TIAM2: variants seen among roughly 807,000 people sequenced by gnomAD.
The protein encoded by TIAM2 is rho guanine nucleotide exchange factor TIAM2.
In TIAM2, 80 loss-of-function variants were observed where a neutral mutation model predicts 152.9. That is an observed-to-expected ratio of 0.52 (90% CI 0.44 to 0.63). The LOEUF (loss-of-function observed/expected upper bound fraction) is 0.63, where lower values mean the gene tolerates loss of function less well. Ranked by LOEUF, TIAM2 falls within the 30% of genes least tolerant of loss-of-function variation. The pLI is 0.00. For missense variants in TIAM2, 1,965 were observed against 2,120.1 expected (o/e 0.93, Z 1.44); for synonymous variants, 804 against 838.0 (o/e 0.96, Z 0.70).
chr6:155,190,474 C>T (rs1781170131), intron 14 of TIAM2, among the ~76,000 whole-genome samples: 1 of 152,162 alleles, frequency 6.6e-6, no homozygotes, highest in South Asian at 2.1e-4. Flanking sequence ...ATCCTGCTGG[C>T]CTGTGACAGG....
At chr6:155,062,739 C>T (rs1231014896) in intron 1 of TIAM2, among the ~76,000 whole-genome samples, 1 of 151,834 alleles carries the variant, frequency 6.6e-6, no homozygotes, top group African/African-American at 2.4e-5. Flanking sequence ...CCATGCCCAG[C>T]TAATTTTGTG....
At chr6:155,111,354 G>C (rs1323852816) in intron 2 of TIAM2, among the ~76,000 whole-genome samples, 1 of 150,594 alleles carries the variant, frequency 6.6e-6, no homozygotes, top group Non-Finnish European at 1.5e-5. Context: ...GTTGAAAATT[G>C]ATAGGATGAT....
rs1225525058 is a variant in TIAM2 at position 155,214,743 on chromosome 6, A to G, written c.3168+3436A>G. ...ATGTTCATTAGCTTTTTAATGAAGC[A>G]GTGGATCCTAGAGCATCAAATAGAT... is the stretch of plus-strand genomic sequence containing the variant. On this transcript the variant is annotated intron_variant, in intron 15 of 26. Transcript: ENST00000682666. This position sits in a 1 kb window ranked among gnomAD's most constrained non-coding sequence, Gnocchi z 5.4. 6.6e-6 allele frequency among the ~76,000 whole-genome samples: 1 copy of G among 152,246 alleles called. No individual in the cohort carries two copies. The highest frequency in any genetic ancestry group is 6.5e-5 in the Admixed American group (1 of 15,288).
chr6:155,206,927 T>C (rs1781610137), intron 14 of TIAM2, among the ~76,000 whole-genome samples: 1 of 152,140 alleles, frequency 6.6e-6, no homozygotes, highest in African/African-American at 2.4e-5. Context: ...CTGGAGTGAG[T>C]CTGAACATCT....
chr6:155,185,883 T>C (rs1781031227), intron 14 of TIAM2, among the ~76,000 whole-genome samples: 2 of 152,272 alleles, frequency 1.3e-5, no homozygotes, highest in East Asian at 1.9e-4. Flanking sequence ...GGCTGTTCCA[T>C]AGTGATGTCG....
intron 14 of TIAM2, among the ~76,000 whole-genome samples, chr6:155,184,762 G>A (rs1162548163): frequency 1.3e-5 from 2 of 152,044 alleles, no homozygotes; most frequent in African/African-American, 4.8e-5. Flanking sequence ...GATTCAATAA[G>A]GTATCTCGTG....
intron 4 of TIAM2, 33 bp downstream of exon 4, chr6:155,130,450 C>T (rs1028949069): frequency 1.2e-5 from 19 of 1,573,410 alleles, no homozygotes; most frequent in Non-Finnish European, 1.6e-5. Context: ...GGAAGGGTCC[C>T]CACAGTTTCC....
chr6:155,073,976 G>C (rs1050528061), intron 1 of TIAM2, among the ~76,000 whole-genome samples: 1 of 152,122 alleles, frequency 6.6e-6, no homozygotes, highest in Non-Finnish European at 1.5e-5. Context: ...GAGACGTAAG[G>C]GTGCCTGCCC....
chr6:155,221,043 C>T (rs1333030386), intron 15 of TIAM2, among the ~76,000 whole-genome samples: 1 of 151,290 alleles, frequency 6.6e-6, no homozygotes, highest in African/African-American at 2.4e-5. Context: ...TTCTGTGCCA[C>T]AGTACTTTCC....
At chr6:155,190,224 C>T (rs1329537919) in intron 14 of TIAM2, among the ~76,000 whole-genome samples, 1 of 152,184 alleles carries the variant, frequency 6.6e-6, no homozygotes, top group African/African-American at 2.4e-5. Flanking sequence ...CTTGCCCCTG[C>T]CTGTCACCTC....
intron 1 of TIAM2, among the ~76,000 whole-genome samples, chr6:155,040,121 A>G (rs1013053787): frequency 3.3e-5 from 5 of 152,212 alleles, no homozygotes; most frequent in Non-Finnish European, 7.3e-5. Context: ...TGAAATTTCC[A>G]TGTTAATTAG....
rs60356205 is a variant in TIAM2, at chr6:155,173,169, TTGTGTGTG to T, written c.2362-3621_2362-3614del. Reference sequence around the variant, plus strand: ...CTTGAACTGTATACATTTGTGAGGGTTGTGTGTGTGTGTGTGTGTGTGTGTGTGTGTGT... The same window carrying T: ...CTTGAACTGTATACATTTGTGAGGGTTGTGTGTGTGTGTGTGTGTGTGTGT... On this transcript the variant is annotated intron_variant, in intron 9 of 26. Coordinates refer to ENST00000682666, the MANE Select transcript of TIAM2 (RefSeq NM_012454.4). Among the ~76,000 whole-genome samples, 309 of 146,854 alleles carry T rather than the reference TTGTGTGTG, an allele frequency of 2.1e-3. 1 individual carries two copies. Among genetic ancestry groups the T allele is most frequent in the African/African-American group, 6.9e-3 (276 of 40,058 alleles).
At chr6:155,081,709 T>C (rs891853684) in intron 1 of TIAM2, among the ~76,000 whole-genome samples, 2 of 152,232 alleles carry the variant, frequency 1.3e-5, no homozygotes, top group Admixed American at 1.3e-4. Flanking sequence ...ACACACTGCT[T>C]GATACAAAAG....
intron 7 of TIAM2, among the ~76,000 whole-genome samples, chr6:155,151,154 C>T (rs192796447): frequency 4.6e-5 from 7 of 152,246 alleles, no homozygotes; most frequent in East Asian, 3.9e-4. Flanking sequence ...AGCCTGACTC[C>T]GGGTCCCTTT....
In TIAM2 at chr6:155,156,512, G is replaced by A. The variant is rs909014515; in HGVS notation, c.2029-7903G>A. On this transcript the variant is annotated intron_variant, in intron 7 of 26. Transcript: ENST00000682666. This position sits in a 1 kb window ranked among gnomAD's most constrained non-coding sequence, Gnocchi z 4.4. ...TCTACTAAAAATACAAAAATAATTA[G>A]CCAGGTGTCGTGGCGCATACCTGTA... Among the ~76,000 whole-genome samples, 2 of 152,082 alleles carry A rather than the reference G, an allele frequency of 1.3e-5. 1 individual carries two copies. The highest frequency in any genetic ancestry group is 4.2e-4 in the South Asian group (2 of 4,804).
chr6:155,199,401 C>T (rs1463614300), intron 14 of TIAM2, among the ~76,000 whole-genome samples: 3 of 152,116 alleles, frequency 2.0e-5, no homozygotes, highest in African/African-American at 7.2e-5. Flanking sequence ...TTCTATATCA[C>T]CAGTATAGGC....
chr6:155,043,834 A>G (rs374890977), intron 1 of TIAM2, among the ~76,000 whole-genome samples: 3 of 151,814 alleles, frequency 2.0e-5, no homozygotes, highest in African/African-American at 7.3e-5. Context: ...ACAAGCGGGG[A>G]CTTGACCCTC....
intron 14 of TIAM2, among the ~76,000 whole-genome samples, chr6:155,203,069 A>G (rs919062787): frequency 6.7e-6 from 1 of 148,832 alleles, no homozygotes; most frequent in South Asian, 2.1e-4. Context: ...AAAAAAAAAA[A>G]AGAGAAAGAT....
intron 14 of TIAM2, among the ~76,000 whole-genome samples, chr6:155,198,698 A>G (rs1014531155): frequency 6.8e-6 from 1 of 147,100 alleles, no homozygotes; most frequent in Non-Finnish European, 1.5e-5. Flanking sequence ...AAATCTCTTA[A>G]TGAAAGTTAA....
Sources: allele counts gnomAD v4.1 joint callset (sites outside exome capture counted in the v4.1 genomes callset), GRCh38; gene constraint gnomAD v4.1.1; non-coding constraint Gnocchi (gnomAD v3.1); transcripts MANE v1.5; gene names NCBI Gene and HGNC (gene_info 2026-07-23, HGNC 2026-07-21).